The following LILRA6 variants were observed in gnomAD, a reference collection of about 807,000 sequenced individuals.
LILRA6 encodes the protein leukocyte immunoglobulin-like receptor subfamily A member 6.
In LILRA6, 16 loss-of-function variants were observed where a neutral mutation model predicts 53.9. The ratio of observed to expected loss-of-function variants is 0.30; its 90% confidence interval spans 0.20 to 0.45. The LOEUF is 0.45. Ranked by LOEUF, LILRA6 falls within the 20% of genes least tolerant of loss-of-function variation. The pLI is 1.00. For missense variants in LILRA6, 306 were observed against 618.6 expected, an observed-to-expected ratio of 0.49 and a Z score of 5.36; for synonymous variants, 135 against 256.4, an observed-to-expected ratio of 0.53 and a Z score of 4.52.
chr19:54,241,366 C>G, intron 4 of LILRA6: 1 of 1,054,302 alleles, frequency 9.5e-7, no homozygotes, highest in Non-Finnish European at 1.3e-6. Context: ...GCAAACACAC[C>G]GATGCCTTCC....
exon 4 of LILRA6, chr19:54,241,850 G>C: frequency 7.7e-7 from 1 of 1,297,768 alleles, no homozygotes; most frequent in East Asian, 2.4e-5. Context: ...GGCTGGGCAG[G>C]GCTGAGAGGG....
Position 54,238,981 on chromosome 19 carries a change from C to T in LILRA6, c.1418G>A (p.Arg473Lys), listed in dbSNP as rs372286259. ...CCTCCCGGCTGCATCTTGGGGGTTTCTCTGGCTGTGCTGAGCCTCAAATAA... is the reference window on the plus strand; with the variant it reads ...CCTCCCGGCTGCATCTTGGGGGTTTTTCTGGCTGTGCTGAGCCTCAAATAA... Residue 473 changes from arginine to lysine, a missense_variant, in exon 8 of 8, where the codon AGA becomes AAA. Physicochemically the swap from Arg to Lys is conservative, Grantham distance 26. Transcript: ENST00000396365. The T allele has an allele frequency of 2.5e-6, 4 of 1,611,308 alleles. No homozygotes were observed. In the African/African-American group the frequency reaches 4.1e-5, roughly 17 times the overall value.
At chr19:54,239,330 TC>T in intron 7 of LILRA6, 1 of 1,293,930 alleles carries the variant, frequency 7.7e-7, no homozygotes, top group Non-Finnish European at 1.0e-6. Flanking sequence ...TTCTTATTCT[TC>T]CAGGCCTCAT....
chr19:54,239,151 T>C, intron 7 of LILRA6, 62 bp from the exon 8 acceptor site: 1 of 1,603,622 alleles, frequency 6.2e-7, no homozygotes, highest in South Asian at 1.1e-5. Context: ...CCAGGACCCC[T>C]GGATGCCCAA....
At chr19:54,238,961 C>T (rs117920989) in exon 8 of LILRA6, 198 of 1,611,102 alleles carry the variant, frequency 1.2e-4, no homozygotes, top group Non-Finnish European at 1.4e-4. Flanking sequence ...GTTCACCTCC[C>T]GGCTGCATCT....
chr19:54,240,825 CCT>C lies in LILRA6; in HGVS notation c.955+4_955+5del. 6.2e-7 allele frequency: 1 copy of C among 1,613,284 alleles called. No individual in the cohort carries two copies. The highest frequency in any genetic ancestry group is 8.5e-7 in the Non-Finnish European group (1 of 1,179,982). Reference sequence around the variant, plus strand: ...GGTCCCTGACTGAACCCGCTGGGCTCCTCACCTGCCATCAGGATGTTCAGGGG... The same window carrying C: ...GGTCCCTGACTGAACCCGCTGGGCTCCACCTGCCATCAGGATGTTCAGGGG... On this transcript the variant is annotated splice_donor_5th_base_variant and intron_variant, in intron 5 of 7. Coordinates refer to ENST00000396365, the Ensembl canonical transcript of LILRA6.
chr19:54,239,768 C>A, intron 7 of LILRA6, 133 bp downstream of exon 7: 1 of 1,550,478 alleles, frequency 6.4e-7, no homozygotes, highest in Non-Finnish European at 8.7e-7. Context: ...CTTGAACCCC[C>A]CACTCTTCAC....
At chr19:54,239,247 A>AG in intron 7 of LILRA6, 158 bp from the exon 8 acceptor site, 1 of 1,532,718 alleles carries the variant, frequency 6.5e-7, no homozygotes, top group East Asian at 2.3e-5. Context: ...TGATGGGGTG[A>AG]GGGTCTCAGC....
chr19:54,241,012 C>T, exon 5 of LILRA6: 1 of 1,613,638 alleles, frequency 6.2e-7, no homozygotes. Flanking sequence ...GTTCCCCCTC[C>T]TTATACAGAA....
At chr19:54,239,249 G>T in intron 7 of LILRA6, 160 bp from the exon 8 acceptor site, 2 of 1,527,516 alleles carry the variant, frequency 1.3e-6, no homozygotes, top group Non-Finnish European at 1.8e-6. Context: ...ATGGGGTGAG[G>T]GTCTCAGCTC....
Position 54,242,279 on chromosome 19 carries a change from C to T in LILRA6, c.102G>A (p.Glu34=), listed in dbSNP as rs774998283. ...TCCCCCAGCTGATCACAGAGCCTGG[C>T]TCAGCCCAGAGGGTGGGTTTGGGGA... Residue 34 remains glutamate (E), a synonymous_variant, in exon 3 of 8, where the codon GAG becomes GAA. Transcript: ENST00000396365. 4 of 1,401,196 alleles carry T rather than the reference C, an allele frequency of 2.9e-6. 1 individual carries two copies. The highest frequency in any genetic ancestry group is 1.7e-5 in the African/African-American group (1 of 57,792). 86.8% of individuals were successfully genotyped at this position (1,401,196 alleles called of 1,614,324 possible). A position where few individuals can be genotyped will look rare whatever the true frequency, so the allele number is the denominator to read the frequency against.
At chr19:54,238,823 T>A in exon 8 of LILRA6, 1 of 1,468,250 alleles carries the variant, frequency 6.8e-7, no homozygotes, top group Non-Finnish European at 9.1e-7. Context: ...CATGATTACC[T>A]TCCACAGTGT....
rs1490546820 is a variant in LILRA6 at position 54,239,438 on chromosome 19, C to T, written c.1310-349G>A. On this transcript the variant is annotated intron_variant, in intron 7 of 7. Transcript: ENST00000396365. The stretch of plus-strand genomic sequence containing the variant: ...GAAACTATTTCAGTTTTCCTGTGTT[C>T]TATGAATTTCAACGCTGCTCCTGAG... 6.4e-6 allele frequency: 4 copies of T among 629,008 alleles called. 1 individual carries two copies. The African/African-American group carries it at 7.7e-5, about 12-fold the overall frequency. The allele number at this position is 629,008 out of a possible 1,614,324, so 39.0% of individuals were successfully genotyped here.
rs1600994710 is a variant in LILRA6 at position 54,242,263 on chromosome 19, T to C, written c.118A>G (p.Ser40Gly). Residue 40 changes from serine to glycine, a missense_variant, in exon 3 of 8, where the codon AGC (serine) becomes GGC (glycine). Transcript: ENST00000396365. ...CAGATGGTCACGGGGCTCCCCCAGC[T>C]GATCACAGAGCCTGGCTCAGCCCAG... is the stretch of plus-strand genomic sequence containing the variant. 4 of 1,411,264 alleles carry C rather than the reference T, an allele frequency of 2.8e-6. 1 individual carries two copies. In the African/African-American group the frequency reaches 6.9e-5, roughly 24 times the overall value. 87.4% of individuals were successfully genotyped at this position (1,411,264 alleles called of 1,614,324 possible).
Position 54,239,227 on chromosome 19 carries a change from A to C in LILRA6, c.1310-138T>G. 1.9e-6 allele frequency: 3 copies of C among 1,546,124 alleles called. No homozygotes were observed. The East Asian group carries it at 6.9e-5, about 35-fold the overall frequency. On this transcript the variant is annotated intron_variant, in intron 7 of 7. Coordinates refer to ENST00000396365, the Ensembl canonical transcript of LILRA6. ...TCTGTGCCCGCCCCATAACTGTCTG[A>C]CTTGTTTTGTGATGGGGTGAGGGTC...
chr19:54,242,400 T>TCACCCAGAACTACTGTCTCCTCCC (rs2078789719), intron 2 of LILRA6, 90 bp from the exon 3 acceptor site: 3 of 1,066,370 alleles, frequency 2.8e-6, no homozygotes, highest in African/African-American at 3.9e-5. Flanking sequence ...TCCCCATCAG[T>TCACCCAGAACTACTGTCTCCTCCC]CACCCAGAAC....
At chr19:54,239,419 AT>A in intron 7 of LILRA6, 1 of 640,566 alleles carries the variant, frequency 1.6e-6, no homozygotes, top group Non-Finnish European at 2.5e-6. Flanking sequence ...TCATGAAACT[AT>A]TTCAGTTTTC....
intron 6 of LILRA6, 145 bp downstream of exon 6, chr19:54,240,129 G>A: frequency 6.9e-7 from 1 of 1,458,946 alleles, no homozygotes; most frequent in African/African-American, 1.4e-5. Flanking sequence ...AACCCCTGTT[G>A]GCCTCCTCCC....
exon 4 of LILRA6, chr19:54,241,861 T>G (rs2048915707): frequency 1.5e-6 from 2 of 1,293,680 alleles, no homozygotes; most frequent in Non-Finnish European, 2.1e-6. Context: ...GCTGAGAGGG[T>G]GGGTTTGCTA....
Sources: gnomAD v4.1 joint callset for allele counts on GRCh38, gnomAD v4.1.1 for gene constraint, MANE v1.5 for transcripts, NCBI Gene and HGNC (gene_info 2026-07-23, HGNC 2026-07-21) for gene names.